INPP5A: variants seen among roughly 807,000 people sequenced by gnomAD.
INPP5A encodes the protein inositol polyphosphate-5-phosphatase A.
A neutral mutation model predicts 65.2 loss-of-function variants in INPP5A; 14 were observed. The ratio of observed to expected loss-of-function variants is 0.21; its 90% CI spans 0.14 to 0.34. INPP5A has a LOEUF of 0.34. INPP5A is among the 10% of genes least tolerant of loss of function. The pLI, the probability that INPP5A is intolerant of heterozygous loss-of-function variation, is 1.00. For synonymous variants in INPP5A, 207 were observed against 208.3 expected (o/e 0.99, Z 0.05); for missense variants, 431 against 545.6 (o/e 0.79, Z 2.09).
intron 4 of INPP5A, among the ~76,000 whole-genome samples, chr10:132,662,863 G>A (rs903587206): frequency 1.9e-4 from 29 of 152,198 alleles, no homozygotes; most frequent in Non-Finnish European, 3.7e-4. Context: ...CTGGAGCGAC[G>A]GGCATGTTAG....
At chr10:132,636,030 T>C (rs886220849) in intron 2 of INPP5A, among the ~76,000 whole-genome samples, 2 of 151,498 alleles carry the variant, frequency 1.3e-5, no homozygotes, top group African/African-American at 2.4e-5. Flanking sequence ...CTAGTTAATA[T>C]TGTACTACTT....
chr10:132,553,556 C>T (rs1250200962), intron 1 of INPP5A, among the ~76,000 whole-genome samples: 3 of 131,856 alleles, frequency 2.3e-5, no homozygotes, highest in Non-Finnish European at 3.2e-5. Flanking sequence ...GATTGGTGAA[C>T]GCCTTCTCAG....
intron 5 of INPP5A, among the ~76,000 whole-genome samples, chr10:132,696,271 A>G (rs1371820268): frequency 6.6e-6 from 1 of 152,232 alleles, no homozygotes; most frequent in Non-Finnish European, 1.5e-5. Context: ...AACTTCAGCT[A>G]TAGATTCAAC....
chr10:132,615,620 C>A (rs897889558), intron 2 of INPP5A, among the ~76,000 whole-genome samples: 1 of 152,234 alleles, frequency 6.6e-6, no homozygotes, highest in Non-Finnish European at 1.5e-5. Context: ...CATTTCTGCC[C>A]CTGGTGAAGC....
chr10:132,750,728 C>G (rs144547251), intron 11 of INPP5A, among the ~76,000 whole-genome samples: 11 of 152,294 alleles, frequency 7.2e-5, no homozygotes, highest in African/African-American at 2.6e-4. Context: ...CCGTGTGCAA[C>G]GAGCCAGCAT....
At position 132,771,903 on chromosome 10, in the gene INPP5A, A is replaced by G. The variant is rs61598809; in HGVS notation, c.978-5768A>G. Reference sequence around the variant, plus strand: ...TGGGACAGACACTCAGCACTGACACAGAGGCCACAGCAGCCACCCGATGAA... The same window carrying G: ...TGGGACAGACACTCAGCACTGACACGGAGGCCACAGCAGCCACCCGATGAA... On this transcript the variant is annotated intron_variant, in intron 12 of 15. Transcript: ENST00000368594. Among the ~76,000 whole-genome samples the G allele has an allele frequency of 1.9e-3, 133 of 69,166 alleles. 21 individuals are homozygous for G. Among genetic ancestry groups the G allele is most frequent in the African/African-American group, 6.5e-3 (97 of 14,836 alleles). 45.4% of individuals were successfully genotyped at this position (69,166 alleles called of 152,430 possible).
At chr10:132,565,737 G>A (rs141586661) in intron 1 of INPP5A, among the ~76,000 whole-genome samples, 1 of 151,896 alleles carries the variant, frequency 6.6e-6, no homozygotes, top group Non-Finnish European at 1.5e-5. Flanking sequence ...GTGTGTGTGT[G>A]TGTGCGCCGT....
chr10:132,615,932 G>A (rs2072025723), intron 2 of INPP5A, among the ~76,000 whole-genome samples: 1 of 152,210 alleles, frequency 6.6e-6, no homozygotes, highest in Non-Finnish European at 1.5e-5. Flanking sequence ...CTGAGAGGCT[G>A]CGACCTTCAT....
chr10:132,647,611 G>A (rs2072515177), intron 3 of INPP5A, among the ~76,000 whole-genome samples: 1 of 152,216 alleles, frequency 6.6e-6, no homozygotes, highest in South Asian at 2.1e-4. Context: ...GCATGACGCA[G>A]GCCCGGAGAG....
At chr10:132,688,862 G>A (rs1590927288) in intron 4 of INPP5A, among the ~76,000 whole-genome samples, 1 of 151,642 alleles carries the variant, frequency 6.6e-6, no homozygotes, top group Non-Finnish European at 1.5e-5. Context: ...GTGTGTGCAT[G>A]AGTTAGTGCA....
At chr10:132,692,189 G>A (rs1845279844) in intron 5 of INPP5A, among the ~76,000 whole-genome samples, 2 of 152,086 alleles carry the variant, frequency 1.3e-5, no homozygotes, top group East Asian at 1.9e-4. Flanking sequence ...GTGCACACGC[G>A]GCTGAGGGAA....
intron 13 of INPP5A, among the ~76,000 whole-genome samples, chr10:132,779,953 A>G (rs1847131783): frequency 6.6e-6 from 1 of 152,214 alleles, no homozygotes; most frequent in Non-Finnish European, 1.5e-5. Flanking sequence ...GCAGTTGAAA[A>G]TCCACAATTT....
At chr10:132,574,563 G>A (rs1020901471) in intron 1 of INPP5A, among the ~76,000 whole-genome samples, 3 of 151,830 alleles carry the variant, frequency 2.0e-5, no homozygotes, top group Non-Finnish European at 1.5e-5. Context: ...GCCTCACACA[G>A]GGAGGGGTGA....
intron 8 of INPP5A, among the ~76,000 whole-genome samples, chr10:132,713,453 C>T (rs1590947496): frequency 6.6e-6 from 1 of 152,106 alleles, no homozygotes; most frequent in African/African-American, 2.4e-5. Flanking sequence ...CTCCCGGGTT[C>T]CCCACAGGGC....
chr10:132,717,272 T>C (rs1845756807), intron 8 of INPP5A, among the ~76,000 whole-genome samples: 2 of 151,902 alleles, frequency 1.3e-5, no homozygotes, highest in South Asian at 4.1e-4. Flanking sequence ...TGACCTCAGG[T>C]GCTGGCCCCT....
intron 11 of INPP5A, among the ~76,000 whole-genome samples, chr10:132,755,688 G>A (rs115691890): frequency 1.0e-3 from 154 of 152,280 alleles, no homozygotes; most frequent in African/African-American, 3.5e-3. Flanking sequence ...GTGGGTGTGT[G>A]TGGGGGGTGG....
intron 4 of INPP5A, among the ~76,000 whole-genome samples, chr10:132,653,003 G>T (rs1444848097): frequency 1.3e-5 from 2 of 152,170 alleles, no homozygotes; most frequent in Non-Finnish European, 2.9e-5. Context: ...CAGGTGGGCG[G>T]AGGGGCAGTG....
chr10:132,542,265 C>A (rs1326709293), intron 1 of INPP5A, among the ~76,000 whole-genome samples: 1 of 152,232 alleles, frequency 6.6e-6, no homozygotes, highest in Non-Finnish European at 1.5e-5. Context: ...TCTGCCCAGA[C>A]CCGGGTTTGC....
intron 1 of INPP5A, among the ~76,000 whole-genome samples, chr10:132,586,315 C>T (rs987622203): frequency 3.9e-5 from 6 of 152,220 alleles, no homozygotes; most frequent in East Asian, 1.9e-4. Context: ...CCCTCCAGGA[C>T]GGGGACTTGG....
Sources: allele counts gnomAD v4.1 joint callset (sites outside exome capture counted in the v4.1 genomes callset), GRCh38; gene constraint gnomAD v4.1.1; transcripts MANE v1.5; gene names NCBI Gene and HGNC (gene_info 2026-07-23, HGNC 2026-07-21).